The following TRPC6 variants were observed in gnomAD, a reference collection of about 807,000 sequenced individuals.
The protein encoded by TRPC6 is short transient receptor potential channel 6.
A neutral mutation model predicts 90.7 loss-of-function variants in TRPC6; 55 were observed. The observed-to-expected ratio is 0.61, with a 90% CI of 0.49 to 0.76. The LOEUF (loss-of-function observed/expected upper bound fraction) is 0.76, where lower values mean the gene tolerates loss of function less well. TRPC6 is among the 30% of genes least tolerant of loss of function. The pLI, the probability that TRPC6 is intolerant of heterozygous loss-of-function variation, is 0.00. For synonymous variants in TRPC6, 393 were observed against 393.0 expected, an observed-to-expected ratio of 1.00 and a Z score of 0.00; for missense variants, 989 against 1,122.7, an observed-to-expected ratio of 0.88 and a Z score of 1.70.
chr11:101,567,496 GCA>G (rs1385860306), intron 1 of TRPC6, among the ~76,000 whole-genome samples: 1 of 152,218 alleles, frequency 6.6e-6, no homozygotes, highest in Non-Finnish European at 1.5e-5. Flanking sequence ...GGATCTCCCA[GCA>G]CAGTGTTCGA....
intron 1 of TRPC6, among the ~76,000 whole-genome samples, chr11:101,553,421 A>G (rs1202883805): frequency 6.6e-6 from 1 of 152,134 alleles, no homozygotes; most frequent in Non-Finnish European, 1.5e-5. Flanking sequence ...GATAAACAAA[A>G]GAATAATTGA....
rs1252028489 is a variant in TRPC6 at position 101,452,504 on chromosome 11, C to T, written c.*451G>A. On this transcript the variant is annotated 3_prime_UTR_variant, in exon 13 of 13. Transcript: ENST00000344327. ...GAAAGGATTAAAGCATTCTAAAGGC[C>T]CATGGGCTACTTTTTCCCAAATTTC... The T allele has an allele frequency of 5.6e-6, 1 of 178,478 alleles. No homozygotes were observed. The highest frequency in any genetic ancestry group is 2.4e-5 in the African/African-American group (1 of 41,740). The allele number at this position is 178,478 out of a possible 1,614,324, so 11.1% of individuals were successfully genotyped here. A position where few individuals can be genotyped will look rare whatever the true frequency, so the allele number is the denominator to read the frequency against.
Position 101,583,400 on chromosome 11 carries a change from T to G in TRPC6, c.104A>C (p.Asp35Ala). ...GCAGCCGTCTTCTCCCAGCTCCGAG[T>G]CCATGAGCAGATAGTCCTGGCTCTC... is the stretch of plus-strand genomic sequence containing the variant. ...RNESQDYLLMDSELGEDGCPQ... is the reference protein window; with the variant it reads ...RNESQDYLLMASELGEDGCPQ... Residue 35 changes from aspartate to alanine, a missense_variant, in exon 1 of 13, where the codon GAC becomes GCC. Physicochemically the swap from Asp to Ala is moderately radical, Grantham distance 126. This residue lies in a region of TRPC6 where 194 missense variants were observed against 136.5 expected (regional missense o/e 1.42). Transcript: ENST00000344327. 6.3e-7 allele frequency: 1 copy of G among 1,587,920 alleles called. No individual in the cohort carries two copies. Among genetic ancestry groups the G allele is most frequent in the Non-Finnish European group, 8.6e-7 (1 of 1,167,078 alleles).
chr11:101,516,734 G>C (rs768038560), intron 1 of TRPC6, among the ~76,000 whole-genome samples: 1 of 152,178 alleles, frequency 6.6e-6, no homozygotes, highest in South Asian at 2.1e-4. Flanking sequence ...GGTTGCTCAG[G>C]GGGTGACCAT....
intron 1 of TRPC6, among the ~76,000 whole-genome samples, chr11:101,544,664 A>C (rs199844796): frequency 1.3e-5 from 2 of 151,692 alleles, no homozygotes; most frequent in East Asian, 3.9e-4. Flanking sequence ...CTCACTCATA[A>C]GTGGGAGATG....
intron 1 of TRPC6, among the ~76,000 whole-genome samples, chr11:101,514,468 G>A (rs915276521): frequency 3.3e-5 from 5 of 152,124 alleles, no homozygotes; most frequent in East Asian, 1.9e-4. Context: ...GACTCAGCCC[G>A]CAGGCAGAGA....
rs568704287 is a variant in TRPC6 at position 101,483,961 on chromosome 11, A to G, written c.1294-796T>C. On this transcript the variant is annotated intron_variant, in intron 4 of 12. Coordinates refer to ENST00000344327, the MANE Select transcript of TRPC6 (RefSeq NM_004621.6). ...CACCTAGGCAGAGTGAGGATCTAGG[A>G]TATGACTAAGGGGTCTGGACATCCT... Among the ~76,000 whole-genome samples the G allele has an allele frequency of 5.9e-5, 9 of 152,286 alleles. No homozygotes were observed. The South Asian group carries it at 1.0e-3, about 18-fold the overall frequency.
At chr11:101,562,561 T>C (rs1324426824) in intron 1 of TRPC6, among the ~76,000 whole-genome samples, 1 of 152,206 alleles carries the variant, frequency 6.6e-6, no homozygotes, top group Non-Finnish European at 1.5e-5. Context: ...AATTTTGCTC[T>C]ACAGACCTCA....
chr11:101,583,081 C>T (rs1256831349), intron 1 of TRPC6: 2 of 787,364 alleles, frequency 2.5e-6, no homozygotes, highest in Non-Finnish European at 3.1e-6. Context: ...ACTATGCGGT[C>T]TCACTCTCGT....
chr11:101,521,150 A>C (rs1860650176), intron 1 of TRPC6, among the ~76,000 whole-genome samples: 1 of 150,162 alleles, frequency 6.7e-6, no homozygotes, highest in Non-Finnish European at 1.5e-5. Flanking sequence ...CATTTCAGAG[A>C]CCTTTGTGAC....
At chr11:101,567,855 C>T (rs1033846861) in intron 1 of TRPC6, among the ~76,000 whole-genome samples, 2 of 152,180 alleles carry the variant, frequency 1.3e-5, no homozygotes, top group African/African-American at 4.8e-5. Flanking sequence ...TCACAGACCC[C>T]TTCCAAAGGT....
rs773703219 is a variant in TRPC6 at position 101,583,421 on chromosome 11, C to T, written c.83G>A (p.Ser28Asn). 7.7e-6 allele frequency: 12 copies of T among 1,567,978 alleles called. No individual in the cohort carries two copies. The highest frequency in any genetic ancestry group is 1.2e-5 in the South Asian group (1 of 85,544). ...AAGAAARRNESQDYLLMDSEL... is the reference protein window; with the variant it reads ...AAGAAARRNENQDYLLMDSEL... ...CGAGTCCATGAGCAGATAGTCCTGG[C>T]TCTCGTTGCGCCGCGCAGCGGCTCC... The change falls in exon 1 of 13, where the codon AGC becomes AAC. Residue 28 changes from serine (S) to asparagine (N), a missense_variant. Coordinates refer to ENST00000344327, the MANE Select transcript of TRPC6 (RefSeq NM_004621.6).
intron 5 of TRPC6, among the ~76,000 whole-genome samples, chr11:101,481,651 T>G (rs921249635): frequency 7.9e-5 from 12 of 152,134 alleles, no homozygotes; most frequent in Non-Finnish European, 1.6e-4. Flanking sequence ...TGTTTGGGGT[T>G]TACCTATTAG....
At chr11:101,538,770 G>A (rs1861110178) in intron 1 of TRPC6, among the ~76,000 whole-genome samples, 1 of 152,190 alleles carries the variant, frequency 6.6e-6, no homozygotes, top group Admixed American at 6.5e-5. Flanking sequence ...CACTGCTGCT[G>A]GCTTTGAAGA....
At chr11:101,567,938 C>G (rs977021754) in intron 1 of TRPC6, among the ~76,000 whole-genome samples, 1 of 152,094 alleles carries the variant, frequency 6.6e-6, no homozygotes, top group Non-Finnish European at 1.5e-5. Flanking sequence ...GCTGAAAATT[C>G]CAAAAACCAG....
chr11:101,489,794 T>TA (rs1158739843), intron 3 of TRPC6, among the ~76,000 whole-genome samples: 1 of 152,072 alleles, frequency 6.6e-6, no homozygotes, highest in Non-Finnish European at 1.5e-5. Context: ...ATTAAAATAT[T>TA]ACAAAGGACA....
chr11:101,516,647 A>G (rs1337787933), intron 1 of TRPC6, among the ~76,000 whole-genome samples: 1 of 152,230 alleles, frequency 6.6e-6, no homozygotes, highest in Non-Finnish European at 1.5e-5. Context: ...AAGGCTCCTA[A>G]CATGAGATAA....
At chr11:101,466,210 T>A (rs1427499452) in intron 10 of TRPC6, among the ~76,000 whole-genome samples, 2 of 152,246 alleles carry the variant, frequency 1.3e-5, no homozygotes, top group African/African-American at 4.8e-5. Context: ...AGAGGCAGTC[T>A]GATCCTTAGC....
chr11:101,533,016 A>G (rs1860941382), intron 1 of TRPC6, among the ~76,000 whole-genome samples: 2 of 152,172 alleles, frequency 1.3e-5, no homozygotes, highest in Non-Finnish European at 2.9e-5. Context: ...CAACAGTGCC[A>G]TGGTGAGCCA....
Sources: gnomAD v4.1 joint callset for allele counts (sites outside exome capture counted in the v4.1 genomes callset) on GRCh38, gnomAD v4.1.1 for gene constraint, gnomAD v4.1.1 regional missense constraint, MANE v1.5 for transcripts, NCBI Gene and HGNC (gene_info 2026-07-23, HGNC 2026-07-21) for gene names.